RAB3GAP1: variants seen among roughly 807,000 people sequenced by gnomAD.
RAB3GAP1 encodes rab3 GTPase-activating protein catalytic subunit.
A neutral mutation model predicts 130.7 loss-of-function variants in RAB3GAP1; 86 were observed. The ratio of observed to expected loss-of-function variants is 0.66; its 90% confidence interval spans 0.55 to 0.79. The LOEUF (loss-of-function observed/expected upper bound fraction) is 0.79, where lower values mean the gene tolerates loss of function less well. RAB3GAP1 is among the 30% of genes least tolerant of loss of function. The probability of loss-of-function intolerance (pLI) is 0.00; values close to 1 mark genes in which losing one functional copy is unlikely to be tolerated. For missense variants in RAB3GAP1, 1,029 were observed against 1,169.4 expected (o/e 0.88, Z 1.75); for synonymous variants, 367 against 401.7 (o/e 0.91, Z 1.03).
At chr2:135,102,022 C>T (rs1690463533) in intron 5 of RAB3GAP1, among the ~76,000 whole-genome samples, 1 of 152,198 alleles carries the variant, frequency 6.6e-6, no homozygotes, top group Non-Finnish European at 1.5e-5. Context: ...AGATGGTCCA[C>T]AACCTAAATC....
At chr2:135,143,937 CTGTT>C (rs1691921369) in intron 17 of RAB3GAP1, among the ~76,000 whole-genome samples, 1 of 152,228 alleles carries the variant, frequency 6.6e-6, no homozygotes, top group Admixed American at 6.5e-5. Context: ...TGCCTCTTCA[CTGTT>C]TGTTCATACA....
Position 135,169,993 on chromosome 2 carries a change from A to G in RAB3GAP1, c.*1212A>G, listed in dbSNP as rs1427874543. ...TTTTTGTAAAAAAAAAAAAAAATAC[A>G]TATCTATATATAATATGTGTGTGTG... On this transcript the variant is annotated 3_prime_UTR_variant, in exon 24 of 24. Coordinates refer to ENST00000264158, the MANE Select transcript of RAB3GAP1 (RefSeq NM_012233.3). 5 of 275,008 alleles carry G rather than the reference A, an allele frequency of 1.8e-5. No individual in the cohort carries two copies. The East Asian group carries it at 3.7e-4, about 20-fold the overall frequency. The allele number at this position is 275,008 out of a possible 1,614,324, so 17.0% of individuals were successfully genotyped here.
chr2:135,102,274 G>A (rs1400391071), intron 5 of RAB3GAP1, among the ~76,000 whole-genome samples: 1 of 152,172 alleles, frequency 6.6e-6, no homozygotes, highest in African/African-American at 2.4e-5. Flanking sequence ...AGGGCCATGA[G>A]CCAAGTAATG....
downstream of RAB3GAP1, among the ~76,000 whole-genome samples, chr2:135,173,432 C>T (rs374165351): frequency 2.6e-4 from 39 of 152,148 alleles, 1 homozygote; most frequent in South Asian, 6.9e-3. Flanking sequence ...AAAAAACATA[C>T]TTCAAGAGGG....
intron 17 of RAB3GAP1, among the ~76,000 whole-genome samples, chr2:135,138,715 C>T (rs569107786): frequency 3.3e-5 from 5 of 151,038 alleles, no homozygotes; most frequent in South Asian, 2.1e-4. Flanking sequence ...CTCAAGTGAT[C>T]CTCTGACCTT....
intron 5 of RAB3GAP1, among the ~76,000 whole-genome samples, chr2:135,106,171 CG>C (rs924725419): frequency 6.7e-6 from 1 of 148,532 alleles, no homozygotes; most frequent in Non-Finnish European, 1.5e-5. Context: ...CCGCCCCGTC[CG>C]GGAGGTGGGG....
intron 17 of RAB3GAP1, among the ~76,000 whole-genome samples, chr2:135,139,570 G>A (rs963873318): frequency 1.3e-5 from 2 of 151,236 alleles, no homozygotes; most frequent in Admixed American, 1.3e-4. Context: ...AATAAAAAGT[G>A]CACAAATCTT....
At chr2:135,082,675 A>G (rs1236128106) in intron 3 of RAB3GAP1, among the ~76,000 whole-genome samples, 1 of 152,132 alleles carries the variant, frequency 6.6e-6, no homozygotes, top group South Asian at 2.1e-4. Context: ...TTCTGACCTC[A>G]GGTGATCCAC....
intron 2 of RAB3GAP1, among the ~76,000 whole-genome samples, chr2:135,055,678 CAAAAAAA>C (rs1209770688): frequency 4.0e-4 from 26 of 65,816 alleles, no homozygotes; most frequent in African/African-American, 1.2e-3. Flanking sequence ...GACCCTGTCT[CAAAAAAA>C]AAAAAAAAAA....
intron 13 of RAB3GAP1, among the ~76,000 whole-genome samples, chr2:135,131,108 A>AC (rs1194952163): frequency 2.6e-5 from 4 of 152,238 alleles, no homozygotes; most frequent in African/African-American, 9.6e-5. Context: ...TGCTTCCCAG[A>AC]CCATGACCAG....
At chr2:135,072,253 G>A (rs1689496399) in intron 3 of RAB3GAP1, among the ~76,000 whole-genome samples, 1 of 152,148 alleles carries the variant, frequency 6.6e-6, no homozygotes, top group African/African-American at 2.4e-5. Flanking sequence ...TCGGAGAGGG[G>A]GAGCATGTTA....
At position 135,117,555 on chromosome 2, in the gene RAB3GAP1, TCTG is replaced by T. The variant is rs1558784341; in HGVS notation, c.648+2177_648+2179del. ...TGCTTCTTCTTCTGCTTCTTCTTCT[TCTG>T]CTTCTTCTTCTGCTTCTTCTTCTGC... On this transcript the variant is annotated intron_variant, in intron 7 of 23. Coordinates refer to ENST00000264158, the MANE Select transcript of RAB3GAP1 (RefSeq NM_012233.3). Among the ~76,000 whole-genome samples the T allele has an allele frequency of 2.9e-4, 26 of 88,336 alleles. 1 individual carries two copies. Among genetic ancestry groups the T allele is most frequent in the South Asian group, 4.2e-4 (1 of 2,400 alleles). 58.0% of individuals were successfully genotyped at this position (88,336 alleles called of 152,430 possible). A position where few individuals can be genotyped will look rare whatever the true frequency, so the allele number is the denominator to read the frequency against.
intron 23 of RAB3GAP1, among the ~76,000 whole-genome samples, chr2:135,165,375 G>A (rs16831378): frequency 0.042 from 6,406 of 152,258 alleles, 159 homozygotes; most frequent in African/African-American, 0.056. Context: ...TGATAAAGGC[G>A]TTATGTGCAC....
At chr2:135,063,970 C>G (rs1689247790) in intron 3 of RAB3GAP1, among the ~76,000 whole-genome samples, 1 of 152,164 alleles carries the variant, frequency 6.6e-6, no homozygotes, top group African/African-American at 2.4e-5. Context: ...GATAGTTTTG[C>G]TGAAGAGTGC....
intron 5 of RAB3GAP1, 95 bp downstream of exon 5, chr2:135,093,788 A>G: frequency 1.0e-6 from 1 of 985,162 alleles, no homozygotes; most frequent in South Asian, 1.3e-5. Context: ...GAAGACTCAG[A>G]GGACTCAGCA....
chr2:135,119,484 G>A (rs1691131203), intron 7 of RAB3GAP1, among the ~76,000 whole-genome samples: 1 of 152,102 alleles, frequency 6.6e-6, no homozygotes, highest in African/African-American at 2.4e-5. Flanking sequence ...TGTCAAAGTG[G>A]CCTTGTTATG....
At chr2:135,092,907 C>T (rs1178348304) in intron 4 of RAB3GAP1, among the ~76,000 whole-genome samples, 1 of 152,130 alleles carries the variant, frequency 6.6e-6, no homozygotes, top group African/African-American at 2.4e-5. Flanking sequence ...TATCAGAGGT[C>T]AGGAGATTTG....
At chr2:135,116,968 A>G (rs1348271136) in intron 7 of RAB3GAP1, among the ~76,000 whole-genome samples, 1 of 152,220 alleles carries the variant, frequency 6.6e-6, no homozygotes, top group Non-Finnish European at 1.5e-5. Flanking sequence ...AATCATAAAA[A>G]TATGTTTTTA....
chr2:135,127,744 T>C (rs1033738098), intron 11 of RAB3GAP1, among the ~76,000 whole-genome samples: 1 of 152,172 alleles, frequency 6.6e-6, no homozygotes, highest in Non-Finnish European at 1.5e-5. Flanking sequence ...TGAATAATCT[T>C]ATACACCTCA....
Sources: gnomAD v4.1 joint callset for allele counts (sites outside exome capture counted in the v4.1 genomes callset) on GRCh38, gnomAD v4.1.1 for gene constraint, MANE v1.5 for transcripts, NCBI Gene and HGNC (gene_info 2026-07-23, HGNC 2026-07-21) for gene names.